The following FHOD3 variants were observed in gnomAD, a reference collection of about 807,000 sequenced individuals.
The protein encoded by FHOD3 is FH1/FH2 domain-containing protein 3.
Under a neutral mutation model 173.0 loss-of-function variants are expected in FHOD3, and 90 were observed. That is an observed-to-expected ratio of 0.52 (90% CI 0.44 to 0.62). The LOEUF (loss-of-function observed/expected upper bound fraction) is 0.62, where lower values mean the gene tolerates loss of function less well. FHOD3 is among the 20% of genes least tolerant of loss of function. The pLI, the probability that FHOD3 is intolerant of heterozygous loss-of-function variation, is 0.00. For synonymous variants in FHOD3, 828 were observed against 823.0 expected, an observed-to-expected ratio of 1.01 and a Z score of -0.10; for missense variants, 1,945 against 2,034.7, an observed-to-expected ratio of 0.96 and a Z score of 0.85.
At chr18:36,302,299 G>T (rs896041304) in intron 1 of FHOD3, among the ~76,000 whole-genome samples, 2 of 152,190 alleles carry the variant, frequency 1.3e-5, no homozygotes, top group Non-Finnish European at 2.9e-5. Flanking sequence ...GTAAACAGCT[G>T]ATTGCAGTGA....
chr18:36,310,242 G>A (rs2092220281), intron 1 of FHOD3, among the ~76,000 whole-genome samples: 1 of 152,196 alleles, frequency 6.6e-6, no homozygotes, highest in East Asian at 1.9e-4. Flanking sequence ...TTCTATCAAT[G>A]CTACTGATCC....
intron 1 of FHOD3, among the ~76,000 whole-genome samples, chr18:36,350,500 T>G (rs2046072728): frequency 6.6e-6 from 1 of 152,224 alleles, no homozygotes; most frequent in South Asian, 2.1e-4. Flanking sequence ...GGCAATGTCC[T>G]GGCCACCAAA....
At chr18:36,439,799 G>A (rs994736811) in intron 3 of FHOD3, among the ~76,000 whole-genome samples, 9 of 152,084 alleles carry the variant, frequency 5.9e-5, no homozygotes, top group Non-Finnish European at 1.2e-4. Flanking sequence ...AGAACCTGAA[G>A]CTCTGATATC....
chr18:36,539,425 T>C (rs1425748437), intron 5 of FHOD3, among the ~76,000 whole-genome samples: 1 of 152,150 alleles, frequency 6.6e-6, no homozygotes, highest in Non-Finnish European at 1.5e-5. Flanking sequence ...CCAAGGCCAT[T>C]GCGTAGAAAG....
intron 14 of FHOD3, among the ~76,000 whole-genome samples, chr18:36,675,154 T>A (rs1013755743): frequency 2.6e-5 from 4 of 152,076 alleles, no homozygotes; most frequent in African/African-American, 9.7e-5. Context: ...GGCTGGCTAA[T>A]CATGTCCCCA....
At chr18:36,713,084 G>A (rs1401568969) in intron 18 of FHOD3, among the ~76,000 whole-genome samples, 1 of 152,118 alleles carries the variant, frequency 6.6e-6, no homozygotes, top group Non-Finnish European at 1.5e-5. Context: ...TAAAAGAGTG[G>A]GTCCCTAACA....
In FHOD3 at chr18:36,718,382, C is replaced by T; in HGVS notation, c.3084C>T (p.Thr1028=). The change falls in exon 19 of 29, where the codon ACC becomes ACT. Residue 1028 remains threonine (T), a synonymous_variant. Transcript: ENST00000590592. ...GGCCACCTCCCCCACCCCCACCCACCTTTCTGGGTTTGCCGCCCCCACCCC... is the reference window on the plus strand; with the variant it reads ...GGCCACCTCCCCCACCCCCACCCACTTTTCTGGGTTTGCCGCCCCCACCCC... ...APGPPPPPPP[T]FLGLPPPPPP... 1 of 1,495,076 alleles carries T rather than the reference C, an allele frequency of 6.7e-7. No individual in the cohort carries two copies. The highest frequency in any genetic ancestry group is 8.9e-7 in the Non-Finnish European group (1 of 1,117,480). 92.6% of individuals were successfully genotyped at this position (1,495,076 alleles called of 1,614,324 possible).
At chr18:36,525,369 A>G (rs1008710431) in intron 5 of FHOD3, among the ~76,000 whole-genome samples, 3 of 152,130 alleles carry the variant, frequency 2.0e-5, no homozygotes, top group African/African-American at 7.2e-5. Flanking sequence ...CAACAACCAC[A>G]TGAGCTTGGA....
chr18:36,322,045 C>T (rs981642639), intron 1 of FHOD3, among the ~76,000 whole-genome samples: 18 of 152,096 alleles, frequency 1.2e-4, no homozygotes, highest in Admixed American at 5.2e-4. Context: ...TGGTTGGTAG[C>T]TGGGATGGAG....
At chr18:36,678,397 C>T (rs538002746) in intron 14 of FHOD3, among the ~76,000 whole-genome samples, 2 of 151,788 alleles carry the variant, frequency 1.3e-5, no homozygotes, top group South Asian at 4.2e-4. Context: ...ATTAAATGGG[C>T]ATGATGGTGC....
intron 24 of FHOD3, 75 bp downstream of exon 24, chr18:36,747,210 C>G (rs1467478595): frequency 3.3e-6 from 4 of 1,216,618 alleles, no homozygotes; most frequent in Non-Finnish European, 4.5e-6. Context: ...AATTAAGAGC[C>G]GATGGTTAAA....
intron 7 of FHOD3, among the ~76,000 whole-genome samples, chr18:36,598,548 T>C (rs1289241123): frequency 1.4e-5 from 2 of 146,666 alleles, no homozygotes; most frequent in Middle Eastern, 6.9e-3. Flanking sequence ...GAAGGAAATT[T>C]GTTTTTAAAT....
At chr18:36,769,882 C>A (rs761642332) in intron 28 of FHOD3, among the ~76,000 whole-genome samples, 1 of 152,098 alleles carries the variant, frequency 6.6e-6, no homozygotes, top group Non-Finnish European at 1.5e-5. Flanking sequence ...ATGTTGAAGG[C>A]AAAAACTAGG....
intron 3 of FHOD3, among the ~76,000 whole-genome samples, chr18:36,466,514 G>A (rs2052949387): frequency 6.6e-6 from 1 of 152,196 alleles, no homozygotes; most frequent in Admixed American, 6.5e-5. Context: ...TTACACGTTG[G>A]TTTTGGGCTT....
chr18:36,384,374 T>A (rs1024947695), intron 3 of FHOD3, among the ~76,000 whole-genome samples: 1 of 151,508 alleles, frequency 6.6e-6, no homozygotes, highest in Admixed American at 6.6e-5. Flanking sequence ...AGTGAGACTC[T>A]GTCTCAAAAA....
chr18:36,568,788 T>A (rs565513586), intron 5 of FHOD3, among the ~76,000 whole-genome samples: 1 of 152,294 alleles, frequency 6.6e-6, no homozygotes, highest in African/African-American at 2.4e-5. Flanking sequence ...AACATTATTT[T>A]AAAAATATCC....
At chr18:36,490,326 C>A (rs2145757332) in intron 3 of FHOD3, among the ~76,000 whole-genome samples, 1 of 152,190 alleles carries the variant, frequency 6.6e-6, no homozygotes, top group African/African-American at 2.4e-5. Flanking sequence ...TTTGCTGGGG[C>A]CCCAAAGCTG....
At chr18:36,580,228 G>A (rs921337217) in intron 6 of FHOD3, among the ~76,000 whole-genome samples, 5 of 152,178 alleles carry the variant, frequency 3.3e-5, no homozygotes, top group African/African-American at 7.2e-5. Flanking sequence ...AGGACTCTGG[G>A]CTGCCTCTTC....
rs1446347586 is a variant in FHOD3 at position 36,405,407 on chromosome 18, T to G, written c.337+32663T>G. Among the ~76,000 whole-genome samples the G allele has an allele frequency of 2.0e-5, 3 of 152,266 alleles. No homozygotes were observed. The East Asian group carries it at 5.8e-4, about 29-fold the overall frequency. On this transcript the variant is annotated intron_variant, in intron 3 of 28. Transcript: ENST00000590592. ...ATCATATTTTAAAGCTATGGAGATA[T>G]TCTTCTTTCCTTTCCACTTTCTTTG...
Sources: gnomAD v4.1 joint callset for allele counts (sites outside exome capture counted in the v4.1 genomes callset) on GRCh38, gnomAD v4.1.1 for gene constraint, MANE v1.5 for transcripts, NCBI Gene and HGNC (gene_info 2026-07-23, HGNC 2026-07-21) for gene names.